Variants in HECW1 observed in about 807,000 individuals in gnomAD.
The protein encoded by HECW1 is E3 ubiquitin-protein ligase HECW1.
HECW1 carries 61 observed loss-of-function variants against 182.3 expected under a neutral mutation model. The observed-to-expected ratio is 0.33, with a 90% CI of 0.27 to 0.41. HECW1 has a LOEUF of 0.41. HECW1 is among the 10% of genes least tolerant of loss of function. The probability of loss-of-function intolerance (pLI) is 1.00; values close to 1 mark genes in which losing one functional copy is unlikely to be tolerated. For missense variants in HECW1, 1,739 were observed against 2,108.9 expected, an observed-to-expected ratio of 0.82 and a Z score of 3.44; for synonymous variants, 859 against 832.6, an observed-to-expected ratio of 1.03 and a Z score of -0.55.
rs958289020 is a variant in HECW1 at position 43,437,788 on chromosome 7, T to G, written c.802-215T>G. Among the ~76,000 whole-genome samples, 3 of 152,324 alleles carry G rather than the reference T, an allele frequency of 2.0e-5. No homozygotes were observed. In the East Asian group the frequency reaches 5.8e-4, roughly 29 times the overall value. On this transcript the variant is annotated intron_variant, in intron 8 of 29. Transcript: ENST00000395891. ...GCATGCTGATTTTACTGCTTGAATC[T>G]CAAAGAATAAGCCTATTTTTAAGCC...
chr7:43,397,036 A>G, intron 7 of HECW1, 147 bp downstream of exon 7: 1 of 641,088 alleles, frequency 1.6e-6, no homozygotes, highest in East Asian at 2.7e-5. Flanking sequence ...AATGTTTTTT[A>G]AATCTGTTCA....
intron 4 of HECW1, among the ~76,000 whole-genome samples, chr7:43,318,974 T>A (rs1408502762): frequency 6.6e-6 from 1 of 152,220 alleles, no homozygotes; most frequent in African/African-American, 2.4e-5. Flanking sequence ...GAAAGCCACA[T>A]CCCTGTCTTA....
chr7:43,122,646 A>C (rs1437097033), intron 2 of HECW1, among the ~76,000 whole-genome samples: 1 of 152,182 alleles, frequency 6.6e-6, no homozygotes, highest in Non-Finnish European at 1.5e-5. Context: ...ATGGTGTGAC[A>C]TCCTTGAGAA....
chr7:43,524,406 T>G (rs935808099), intron 24 of HECW1, among the ~76,000 whole-genome samples: 5 of 152,190 alleles, frequency 3.3e-5, no homozygotes, highest in African/African-American at 1.2e-4. Flanking sequence ...ATACATTGTG[T>G]GGGAACGTCA....
intron 1 of HECW1, among the ~76,000 whole-genome samples, chr7:43,113,278 CA>C (rs1290920760): frequency 6.6e-6 from 1 of 152,186 alleles, no homozygotes; most frequent in Non-Finnish European, 1.5e-5. Context: ...GAGGAGGTGT[CA>C]GGGGAGGGGG....
chr7:43,172,160 T>TG (rs1157627445), intron 2 of HECW1, among the ~76,000 whole-genome samples: 1 of 123,524 alleles, frequency 8.1e-6, no homozygotes, highest in Non-Finnish European at 1.7e-5. Context: ...ATGGTGGGGG[T>TG]GGGGGGATGT....
chr7:43,482,741 AC>A (rs1339299643), intron 17 of HECW1, among the ~76,000 whole-genome samples: 2 of 152,038 alleles, frequency 1.3e-5, no homozygotes, highest in Non-Finnish European at 2.9e-5. Flanking sequence ...CCTTTTCTCT[AC>A]AAAAATTTAA....
At chr7:43,242,850 G>A (rs1301234747) in intron 2 of HECW1, among the ~76,000 whole-genome samples, 4 of 152,180 alleles carry the variant, frequency 2.6e-5, no homozygotes, top group Admixed American at 6.5e-5. Context: ...CACGGTGTGC[G>A]TCACCACTGA....
chr7:43,124,144 G>A (rs546643777), intron 2 of HECW1, among the ~76,000 whole-genome samples: 16 of 152,096 alleles, frequency 1.1e-4, no homozygotes, highest in Non-Finnish European at 2.2e-4. Context: ...CGATGTAATC[G>A]ACGCACTATT....
At chr7:43,418,338 T>C (rs1230560215) in intron 8 of HECW1, among the ~76,000 whole-genome samples, 1 of 152,232 alleles carries the variant, frequency 6.6e-6, no homozygotes, top group Non-Finnish European at 1.5e-5. Context: ...TCTAATTTAA[T>C]CTATTGTTGG....
chr7:43,304,058 G>T (rs764672502), intron 3 of HECW1, among the ~76,000 whole-genome samples: 1 of 152,144 alleles, frequency 6.6e-6, no homozygotes, highest in East Asian at 1.9e-4. Context: ...CTTAACAGTC[G>T]TGACTCAGAG....
At chr7:43,301,848 C>A (rs2152763536) in intron 3 of HECW1, among the ~76,000 whole-genome samples, 1 of 148,982 alleles carries the variant, frequency 6.7e-6, no homozygotes, top group South Asian at 2.1e-4. Flanking sequence ...TCCTTCCAGC[C>A]TAGGCAACAA....
Position 43,562,472 on chromosome 7 carries a change from C to G in HECW1, c.*546C>G, listed in dbSNP as rs3735072. ...CATCCAAAGGACAACAGTGGCAAAG[C>G]TGAAATTTTTATACATTCAACTCAT... On this transcript the variant is annotated 3_prime_UTR_variant, in exon 30 of 30. Transcript: ENST00000395891. The G allele has an allele frequency of 8.6e-4, 197 of 228,156 alleles. 3 individuals carry two copies. The East Asian group carries it at 0.012, about 14-fold the overall frequency. 14.1% of individuals were successfully genotyped at this position (228,156 alleles called of 1,614,324 possible).
chr7:43,283,618 T>G (rs899917112), intron 3 of HECW1, among the ~76,000 whole-genome samples: 1 of 152,200 alleles, frequency 6.6e-6, no homozygotes, highest in Non-Finnish European at 1.5e-5. Context: ...CTCAATAATA[T>G]TCAAGATTGT....
intron 6 of HECW1, among the ~76,000 whole-genome samples, chr7:43,394,855 C>T (rs992099560): frequency 4.6e-5 from 7 of 152,274 alleles, no homozygotes; most frequent in Non-Finnish European, 7.4e-5. Flanking sequence ...ATCCATCTCC[C>T]GGAGCATTCA....
chr7:43,492,882 T>G (rs374010949), intron 18 of HECW1, among the ~76,000 whole-genome samples: 16 of 152,224 alleles, frequency 1.1e-4, no homozygotes, highest in East Asian at 5.8e-4. Flanking sequence ...CTGGTTCACT[T>G]TTAGTTTGAT....
At chr7:43,434,772 G>A (rs938993120) in intron 8 of HECW1, among the ~76,000 whole-genome samples, 1 of 152,164 alleles carries the variant, frequency 6.6e-6, no homozygotes, top group South Asian at 2.1e-4. Flanking sequence ...CTTGTGGAGG[G>A]AGGAAAGAAC....
chr7:43,357,713 A>C (rs1407915625), intron 5 of HECW1, among the ~76,000 whole-genome samples: 1 of 151,718 alleles, frequency 6.6e-6, no homozygotes, highest in Non-Finnish European at 1.5e-5. Context: ...ATGTTTTTAT[A>C]TATTTATATG....
chr7:43,370,028 T>C (rs192879034), intron 6 of HECW1, among the ~76,000 whole-genome samples: 1 of 152,210 alleles, frequency 6.6e-6, no homozygotes, highest in Non-Finnish European at 1.5e-5. Flanking sequence ...CAACGGCCAA[T>C]AAACACACAA....
Sources: gnomAD v4.1 joint callset for allele counts (sites outside exome capture counted in the v4.1 genomes callset) on GRCh38, gnomAD v4.1.1 for gene constraint, MANE v1.5 for transcripts, NCBI Gene and HGNC (gene_info 2026-07-23, HGNC 2026-07-21) for gene names.